The following RTCB variants were observed in gnomAD, a reference collection of about 807,000 sequenced individuals.
The protein encoded by RTCB is RNA 2',3'-cyclic phosphate and 5'-OH ligase.
A neutral mutation model predicts 58.2 loss-of-function variants in RTCB; 32 were observed. That is an observed-to-expected ratio of 0.55 (90% CI 0.41 to 0.74). The LOEUF (loss-of-function observed/expected upper bound fraction) is 0.74. Ranked by LOEUF, RTCB falls within the 30% of genes least tolerant of loss-of-function variation. The pLI is 0.00. For synonymous variants in RTCB, 247 were observed against 218.6 expected (o/e 1.13, Z -1.15); for missense variants, 523 against 639.0 (o/e 0.82, Z 1.96).
At chr22:32,391,695 A>C (rs1376056954) in intron 11 of RTCB, among the ~76,000 whole-genome samples, 1 of 152,176 alleles carries the variant, frequency 6.6e-6, no homozygotes, top group African/African-American at 2.4e-5. Flanking sequence ...CCGGCCGACA[A>C]TAATAAGTAT....
chr22:32,395,493 T>TA (rs1569440815), intron 8 of RTCB, among the ~76,000 whole-genome samples: 1 of 152,234 alleles, frequency 6.6e-6, no homozygotes, highest in African/African-American at 2.4e-5. Flanking sequence ...TTCTGAATCT[T>TA]AGTCAGTGGC....
rs41302589 is a variant in RTCB at position 32,412,171 on chromosome 22, T to C, written c.-15A>G. The stretch of plus-strand genomic sequence containing the variant: ...CTGCGACTCATGGTGGCGAAAACTG[T>C]AGCAAAAACTCCCGGCTCCGCTTTG... On this transcript the variant is annotated 5_prime_UTR_variant, in exon 1 of 12. Coordinates refer to ENST00000216038, the MANE Select transcript of RTCB (RefSeq NM_014306.5). The C allele has an allele frequency of 0.01, 15,866 of 1,575,556 alleles. 126 individuals are homozygous for C. The highest frequency in any genetic ancestry group is 0.026 in the South Asian group (2,267 of 86,954).
chr22:32,408,923 G>C, intron 1 of RTCB, 90 bp from the exon 2 acceptor site: 1 of 906,422 alleles, frequency 1.1e-6, no homozygotes, highest in Non-Finnish European at 1.8e-6. Context: ...AATATTTACT[G>C]TGCTTTACTC....
chr22:32,388,962 T>C (rs1264790300), intron 11 of RTCB, among the ~76,000 whole-genome samples: 1 of 152,142 alleles, frequency 6.6e-6, no homozygotes, highest in Admixed American at 6.5e-5. Flanking sequence ...ACCACTTTCA[T>C]CTCCAACTTT....
rs1459140582 is a variant in RTCB at position 32,395,087 on chromosome 22, T to C, written c.1118A>G (p.His373Arg). The change falls in exon 9 of 12, where the codon CAC becomes CGC. Residue 373 changes from histidine to arginine, a missense_variant. Around this residue, in one of 3 missense-constraint regions of RTCB, gnomAD observed 248 missense variants for 292.5 expected, o/e 0.85. Coordinates refer to ENST00000216038, the MANE Select transcript of RTCB (RefSeq NM_014306.5). ...VDGKERTLLV[H>R]RKGSTRAFPP... ...GAAAGCGCGGGTGGATCCCTTCCTGTGTACTAACAGTGTCCGTTCCTTTCC... is the reference window on the plus strand; with the variant it reads ...GAAAGCGCGGGTGGATCCCTTCCTGCGTACTAACAGTGTCCGTTCCTTTCC... The C allele has an allele frequency of 1.2e-6, 2 of 1,614,080 alleles. No individual in the cohort carries two copies. The highest frequency in any genetic ancestry group is 1.7e-6 in the Non-Finnish European group (2 of 1,180,034).
In RTCB at chr22:32,401,720, C is replaced by A. The variant is rs764755630; in HGVS notation, c.497+27G>T. 8 of 1,611,436 alleles carry A rather than the reference C, an allele frequency of 5.0e-6. No individual in the cohort carries two copies. In the South Asian group the frequency reaches 8.8e-5, roughly 18 times the overall value. On this transcript the variant is annotated intron_variant, in intron 5 of 11. Transcript: ENST00000216038. ...TCATGTGGTTATTATCCCTCCCATA[C>A]CATGTACTGGAAACGTGTGCTCTTA...
chr22:32,404,059 T>G (rs1933381790), intron 4 of RTCB, among the ~76,000 whole-genome samples: 1 of 152,252 alleles, frequency 6.6e-6, no homozygotes, highest in Non-Finnish European at 1.5e-5. Context: ...TTTATTAAGG[T>G]TGAATAATGC....
intron 11 of RTCB, among the ~76,000 whole-genome samples, chr22:32,390,144 T>C (rs1335272755): frequency 6.6e-6 from 1 of 152,186 alleles, no homozygotes; most frequent in Admixed American, 6.5e-5. Flanking sequence ...TTACCACCTT[T>C]CCCTGCTTTT....
intron 6 of RTCB, among the ~76,000 whole-genome samples, chr22:32,398,527 T>C (rs79228394): frequency 0.035 from 5,254 of 152,122 alleles, 283 homozygotes; most frequent in African/African-American, 0.12. Context: ...ACCTAGATGA[T>C]GGACTGACAG....
chr22:32,397,606 C>T lies in RTCB; in HGVS notation c.814+335G>A, dbSNP rs576437534. Among the ~76,000 whole-genome samples the T allele has an allele frequency of 2.6e-5, 4 of 152,268 alleles. No individual in the cohort carries two copies. The East Asian group carries it at 5.8e-4, about 22-fold the overall frequency. ...CAAATGAAAGCCTATTTCATAAATTCCACTCTTTACACATTTCTTGCTCTT... is the reference window on the plus strand; with the variant it reads ...CAAATGAAAGCCTATTTCATAAATTTCACTCTTTACACATTTCTTGCTCTT... On this transcript the variant is annotated intron_variant, in intron 7 of 11. Coordinates refer to ENST00000216038, the MANE Select transcript of RTCB (RefSeq NM_014306.5).
chr22:32,394,241 T>A (rs955853503), intron 9 of RTCB, among the ~76,000 whole-genome samples: 1 of 151,976 alleles, frequency 6.6e-6, no homozygotes, highest in Admixed American at 6.6e-5. Flanking sequence ...CCTCCCGAGT[T>A]GCTGGGACCA....
At chr22:32,408,638 T>C (rs73170304) in intron 2 of RTCB, 117 bp downstream of exon 2, 32,615 of 763,590 alleles carry the variant, frequency 0.043, 903 homozygotes, top group South Asian at 0.048. Context: ...GTCTTACTTT[T>C]AAGTTGTAAT....
intron 1 of RTCB, among the ~76,000 whole-genome samples, 184 bp from the exon 2 acceptor site, chr22:32,409,017 C>G (rs1038659223): frequency 1.3e-5 from 2 of 152,084 alleles, no homozygotes; most frequent in African/African-American, 4.8e-5. Context: ...GAAAATATAC[C>G]TTAAGAAAAA....
At chr22:32,404,227 A>T (rs1173925477) in intron 4 of RTCB, among the ~76,000 whole-genome samples, 2 of 152,162 alleles carry the variant, frequency 1.3e-5, no homozygotes. Context: ...TTTTTTGAGG[A>T]ATCTCCATAC....
At chr22:32,410,608 A>T (rs715629) in intron 1 of RTCB, among the ~76,000 whole-genome samples, 51,856 of 152,070 alleles carry the variant, frequency 0.34, 9,024 homozygotes, top group Middle Eastern at 0.47. Flanking sequence ...GCCCCTAGAT[A>T]GAATGAGCAG....
rs143117259 is a variant in RTCB at position 32,411,974 on chromosome 22, G to C, written c.93+90C>G. 0.016 allele frequency: 15,026 copies of C among 910,876 alleles called. 159 individuals carry two copies. Among genetic ancestry groups the C allele is most frequent in the Middle Eastern group, 0.025 (82 of 3,340 alleles). The allele number at this position is 910,876 out of a possible 1,614,324, so 56.4% of individuals were successfully genotyped here. A position where few individuals can be genotyped will look rare whatever the true frequency, so the allele number is the denominator to read the frequency against. ...TCTGCAAGGGGCCGGGGCGGACCCA[G>C]TGGTCAGGGGAGGTCCAGAGGGCGC... On this transcript the variant is annotated intron_variant, in intron 1 of 11. Coordinates refer to ENST00000216038, the MANE Select transcript of RTCB (RefSeq NM_014306.5).
At chr22:32,389,593 G>A (rs1425951537) in intron 11 of RTCB, among the ~76,000 whole-genome samples, 2 of 151,788 alleles carry the variant, frequency 1.3e-5, no homozygotes, top group African/African-American at 4.9e-5. Context: ...GATTACAGGT[G>A]TGAGCCACTG....
Position 32,412,136 on chromosome 22 carries a change from A to G in RTCB, c.21T>C (p.Asp7=). ...TGATCTTCTCCAAGAACTGCAGCTC[A>G]TCATTATAGCTGCGACTCATGGTGG... MSRSYN[D]ELQFLEKINK... is the part of the protein sequence containing the mutation. Residue 7 remains aspartate (D), a synonymous_variant, in exon 1 of 12, where the codon GAT becomes GAC. Coordinates refer to ENST00000216038, the MANE Select transcript of RTCB (RefSeq NM_014306.5). 6.2e-7 allele frequency: 1 copy of G among 1,603,350 alleles called. No homozygotes were observed. Among genetic ancestry groups the G allele is most frequent in the South Asian group, 1.1e-5 (1 of 89,430 alleles).
Position 32,402,608 on chromosome 22 carries a change from C to A in RTCB, c.341-705G>T, listed in dbSNP as rs998010175. On this transcript the variant is annotated intron_variant, in intron 4 of 11. Transcript: ENST00000216038. ...GAGATTACAGGCGTGCGCCACCACA[C>A]CCAGCTAATTTCTTTTATTTTTAGT... 1.1e-4 allele frequency among the ~76,000 whole-genome samples: 15 copies of A among 132,202 alleles called. No homozygotes were observed. The South Asian group carries it at 2.2e-3, about 19-fold the overall frequency. The allele number at this position is 132,202 out of a possible 152,430, so 86.7% of individuals were successfully genotyped here.
Sources: gnomAD v4.1 joint callset for allele counts (sites outside exome capture counted in the v4.1 genomes callset) on GRCh38, gnomAD v4.1.1 for gene constraint, gnomAD v4.1.1 regional missense constraint, MANE v1.5 for transcripts, NCBI Gene and HGNC (gene_info 2026-07-23, HGNC 2026-07-21) for gene names.